Variants in PACSIN1 observed in about 807,000 individuals in gnomAD.
The protein encoded by PACSIN1 is protein kinase C and casein kinase substrate in neurons 1.
In PACSIN1, 15 loss-of-function variants were observed where a neutral mutation model predicts 59.5. That is an observed-to-expected ratio of 0.25 (90% CI 0.17 to 0.39). The LOEUF (loss-of-function observed/expected upper bound fraction) is 0.39, where lower values mean the gene tolerates loss of function less well. Ranked by LOEUF, PACSIN1 falls within the 10% of genes least tolerant of loss-of-function variation. PACSIN1 has a pLI of 1.00. For missense variants in PACSIN1, 420 were observed against 580.2 expected, an observed-to-expected ratio of 0.72 and a Z score of 2.84; for synonymous variants, 210 against 220.6, an observed-to-expected ratio of 0.95 and a Z score of 0.42.
intron 1 of PACSIN1, among the ~76,000 whole-genome samples, chr6:34,476,847 C>A (rs955864853): frequency 6.6e-6 from 1 of 152,196 alleles, no homozygotes; most frequent in Non-Finnish European, 1.5e-5. Context: ...CAAGACAATC[C>A]TGACAGGGAG....
At chr6:34,479,538 C>G (rs962457867) in intron 1 of PACSIN1, among the ~76,000 whole-genome samples, 25 of 151,836 alleles carry the variant, frequency 1.6e-4, no homozygotes, top group African/African-American at 5.8e-4. Context: ...TGGGCTCAAG[C>G]AATCCTCCCA....
chr6:34,530,485 C>A lies in PACSIN1; in HGVS notation c.935C>A (p.Thr312Asn), dbSNP rs758173677. Reference protein sequence around the residue: ...FEEWNPDLPHTTTKKEKQPKK... With the variant: ...FEEWNPDLPHNTTKKEKQPKK... ...GAGTGGAACCCAGACCTTCCTCACA[C>A]CACCACCAAGAAGGAGAAACAGCCT... Residue 312 changes from threonine to asparagine, a missense_variant, in exon 8 of 10, where the codon ACC becomes AAC. Coordinates refer to ENST00000244458, the MANE Select transcript of PACSIN1 (RefSeq NM_020804.5). The surrounding 1 kb of genome is among the most constrained non-coding windows in gnomAD (Gnocchi z 4.4). 1 of 1,605,916 alleles carries A rather than the reference C, an allele frequency of 6.2e-7. No homozygotes were observed. The highest frequency in any genetic ancestry group is 1.3e-5 in the African/African-American group (1 of 74,584).
In PACSIN1 at chr6:34,470,507, G is replaced by A. The variant is rs141909460; in HGVS notation, c.-64+4237G>A. On this transcript the variant is annotated intron_variant, in intron 1 of 9. Transcript: ENST00000244458. ...CTTGGCTATTATTTTAAAATCACTCGATATTGTTATAATTATTTTCTTTTT... is the reference window on the plus strand; with the variant it reads ...CTTGGCTATTATTTTAAAATCACTCAATATTGTTATAATTATTTTCTTTTT... Among the ~76,000 whole-genome samples the A allele has an allele frequency of 2.6e-3, 396 of 151,808 alleles. 1 individual carries two copies. Among genetic ancestry groups the A allele is most frequent in the Middle Eastern group, 0.014 (4 of 294 alleles).
At chr6:34,504,270 G>A (rs113773517) in intron 1 of PACSIN1, among the ~76,000 whole-genome samples, 1,877 of 134,318 alleles carry the variant, frequency 0.014, 32 homozygotes, top group African/African-American at 0.037. Flanking sequence ...GTGTGTGTGT[G>A]TATATATATA....
intron 1 of PACSIN1, among the ~76,000 whole-genome samples, chr6:34,503,270 A>AT (rs1767052395): frequency 1.3e-5 from 2 of 150,508 alleles, no homozygotes; most frequent in Admixed American, 1.3e-4. Flanking sequence ...TCCTGTCAAA[A>AT]AAAAAAAAAA....
At chr6:34,467,595 G>A (rs1016393531) in intron 1 of PACSIN1, among the ~76,000 whole-genome samples, 4 of 95,626 alleles carry the variant, frequency 4.2e-5, no homozygotes, top group Admixed American at 3.4e-4. Context: ...TTTCGCTCTT[G>A]TTGCCCAGGC....
chr6:34,502,031 CAAAAAAA>C (rs55848755), intron 1 of PACSIN1, among the ~76,000 whole-genome samples: 9 of 67,208 alleles, frequency 1.3e-4, no homozygotes, highest in South Asian at 6.0e-4. Flanking sequence ...GACTCTGTCT[CAAAAAAA>C]AAAAAAAAAA....
chr6:34,532,744 A>G lies in PACSIN1; in HGVS notation c.*214A>G. On this transcript the variant is annotated 3_prime_UTR_variant, in exon 10 of 10. Coordinates refer to ENST00000244458, the MANE Select transcript of PACSIN1 (RefSeq NM_020804.5). The surrounding 1 kb of genome is among the most constrained non-coding windows in gnomAD (Gnocchi z 5.2). The stretch of plus-strand genomic sequence containing the variant: ...GGGTGCTGGGGCTTGGGGTGGCCCC[A>G]GGGTAGGTAACAGTCTTAGGACTTA... 1 of 556,670 alleles carries G rather than the reference A, an allele frequency of 1.8e-6. No individual in the cohort carries two copies. Among genetic ancestry groups the G allele is most frequent in the East Asian group, 3.1e-5 (1 of 32,068 alleles). The allele number at this position is 556,670 out of a possible 1,614,324, so 34.5% of individuals were successfully genotyped here.
intron 1 of PACSIN1, among the ~76,000 whole-genome samples, chr6:34,495,527 A>T (rs1386413502): frequency 6.7e-6 from 1 of 149,548 alleles, no homozygotes; most frequent in Non-Finnish European, 1.5e-5. Flanking sequence ...ATCTTGGCTC[A>T]CTGCAGCCTC....
At chr6:34,502,615 A>C (rs2127259035) in intron 1 of PACSIN1, among the ~76,000 whole-genome samples, 1 of 151,818 alleles carries the variant, frequency 6.6e-6, no homozygotes, top group Admixed American at 6.6e-5. Flanking sequence ...ACAGGCGCCC[A>C]CCATGACACC....
At chr6:34,473,219 C>CGGGGCGG (rs1766595743) in intron 1 of PACSIN1, among the ~76,000 whole-genome samples, 1 of 111,782 alleles carries the variant, frequency 8.9e-6, no homozygotes, top group South Asian at 2.8e-4. Context: ...GATCCAGAGA[C>CGGGGCGG]GGGGCGGGGG....
intron 1 of PACSIN1, among the ~76,000 whole-genome samples, chr6:34,489,217 C>A (rs950019823): frequency 1.3e-5 from 2 of 151,120 alleles, no homozygotes; most frequent in African/African-American, 4.9e-5. Flanking sequence ...TTATGGTGTG[C>A]AACATGATGT....
At chr6:34,490,204 C>A (rs1196540814) in intron 1 of PACSIN1, among the ~76,000 whole-genome samples, 1 of 151,458 alleles carries the variant, frequency 6.6e-6, no homozygotes, top group Non-Finnish European at 1.5e-5. Flanking sequence ...GCATGCACCA[C>A]CACACCTGGC....
At chr6:34,489,470 C>T (rs1169008478) in intron 1 of PACSIN1, among the ~76,000 whole-genome samples, 1 of 152,044 alleles carries the variant, frequency 6.6e-6, no homozygotes, top group African/African-American at 2.4e-5. Flanking sequence ...CCGCAGGCCT[C>T]CACGTCGAAA....
At chr6:34,491,111 T>A (rs1766870059) in intron 1 of PACSIN1, among the ~76,000 whole-genome samples, 1 of 151,992 alleles carries the variant, frequency 6.6e-6, no homozygotes, top group Non-Finnish European at 1.5e-5. Flanking sequence ...TGTTTTACGC[T>A]CCCCTCATAA....
intron 1 of PACSIN1, among the ~76,000 whole-genome samples, chr6:34,481,133 C>T (rs1053487266): frequency 1.3e-5 from 2 of 151,898 alleles, no homozygotes; most frequent in South Asian, 4.2e-4. Context: ...GCAACCTCCA[C>T]CTCCCTGGGT....
chr6:34,529,750 C>G lies in PACSIN1; in HGVS notation c.697C>G (p.Gln233Glu). The G allele has an allele frequency of 6.2e-7, 1 of 1,614,046 alleles. No homozygotes were observed. The highest frequency in any genetic ancestry group is 8.5e-7 in the Non-Finnish European group (1 of 1,179,996). ...YMENMEQVFEQCQQFEEKRLV... is the reference protein window; with the variant it reads ...YMENMEQVFEECQQFEEKRLV... ...GGAGAACATGGAGCAGGTGTTTGAG[C>G]AATGCCAGCAATTTGAGGAAAAGCG... The change falls in exon 6 of 10, where the codon CAA (glutamine) becomes GAA (glutamate). Residue 233 changes from glutamine (Q) to glutamate (E), a missense_variant. By Grantham distance (29) the Gln-to-Glu change is conservative (BLOSUM62 2). Coordinates refer to ENST00000244458, the MANE Select transcript of PACSIN1 (RefSeq NM_020804.5). The surrounding 1 kb of genome is among the most constrained non-coding windows in gnomAD (Gnocchi z 6.3).
At chr6:34,527,559 C>A in intron 3 of PACSIN1, 71 bp downstream of exon 3, 1 of 1,389,574 alleles carries the variant, frequency 7.2e-7, no homozygotes, top group Non-Finnish European at 9.6e-7. Flanking sequence ...GTCCTAGGAG[C>A]CCCGGCTACT....
intron 1 of PACSIN1, among the ~76,000 whole-genome samples, chr6:34,480,526 C>A (rs1766702083): frequency 6.6e-6 from 1 of 152,130 alleles, no homozygotes; most frequent in Non-Finnish European, 1.5e-5. Flanking sequence ...GTACCTGACT[C>A]ATTTTTCATC....
Sources: allele counts gnomAD v4.1 joint callset (sites outside exome capture counted in the v4.1 genomes callset), GRCh38; gene constraint gnomAD v4.1.1; non-coding constraint Gnocchi (gnomAD v3.1); transcripts MANE v1.5; gene names NCBI Gene and HGNC (gene_info 2026-07-23, HGNC 2026-07-21).